Variants in UBR7 observed in about 807,000 individuals in gnomAD.
UBR7 encodes the protein ubiquitin protein ligase E3 component n-recognin 7, also known as putative E3 ubiquitin-protein ligase UBR7.
UBR7 carries 22 observed loss-of-function variants against 57.0 expected under a neutral mutation model. The ratio of observed to expected loss-of-function variants is 0.39; its 90% CI spans 0.28 to 0.55. The LOEUF is 0.55. Ranked by LOEUF, UBR7 falls within the 20% of genes least tolerant of loss-of-function variation. The pLI is 0.69. For synonymous variants in UBR7, 167 were observed against 179.8 expected (o/e 0.93, Z 0.57); for missense variants, 395 against 513.2 (o/e 0.77, Z 2.23).
rs776085737 is a variant in UBR7, at chr14:93,227,102, G to A, written c.*67G>A. 1.5e-5 allele frequency: 20 copies of A among 1,298,398 alleles called. No individual in the cohort carries two copies. The highest frequency in any genetic ancestry group is 1.3e-4 in the African/African-American group (9 of 67,710). 80.4% of individuals were successfully genotyped at this position (1,298,398 alleles called of 1,614,324 possible). A position where few individuals can be genotyped will look rare whatever the true frequency, so the allele number is the denominator to read the frequency against. On this transcript the variant is annotated 3_prime_UTR_variant, in exon 11 of 11. Coordinates refer to ENST00000013070, the MANE Select transcript of UBR7 (RefSeq NM_175748.4). ...GCTTCCCATTCTTGGAATAAAAGAGGTGTGGTTCACATTTGGCCCCCTTTC... is the reference window on the plus strand; with the variant it reads ...GCTTCCCATTCTTGGAATAAAAGAGATGTGGTTCACATTTGGCCCCCTTTC...
intron 10 of UBR7, 44 bp from the exon 11 acceptor site, chr14:93,226,897 TTC>T: frequency 7.1e-7 from 1 of 1,410,146 alleles, no homozygotes; most frequent in Non-Finnish European, 1.0e-6. Flanking sequence ...CGGATTGCGA[TTC>T]TGTTACTTAG....
intron 6 of UBR7, among the ~76,000 whole-genome samples, chr14:93,215,689 C>CAAAAAAAAA (rs34666080): frequency 2.8e-5 from 2 of 71,832 alleles, no homozygotes; most frequent in African/African-American, 4.3e-5. Flanking sequence ...ACTCCATCCT[C>CAAAAAAAAA]AAAAAAAAAA....
At chr14:93,225,950 A>C (rs1441753042) in intron 10 of UBR7, among the ~76,000 whole-genome samples, 2 of 152,202 alleles carry the variant, frequency 1.3e-5, no homozygotes, top group Non-Finnish European at 1.5e-5. Flanking sequence ...CATTTTGTTA[A>C]GTGTAAATTC....
At position 93,212,070 on chromosome 14, in the gene UBR7, C is replaced by T. The variant is rs754474683; in HGVS notation, c.384C>T (p.Asp128=). 3 of 1,613,054 alleles carry T rather than the reference C, an allele frequency of 1.9e-6. No individual in the cohort carries two copies. The highest frequency in any genetic ancestry group is 2.2e-5 in the East Asian group (1 of 44,876). ...AKVNSGNKYN[D]NFFGLYCICK... ...TAAATTCTGGCAATAAGTACAATGA[C>T]AACTTTTTTGGATTGTACTGCATTT... Residue 128 remains aspartate (D), a synonymous_variant, in exon 4 of 11, where the codon GAC becomes GAT. Transcript: ENST00000013070.
At chr14:93,216,921 G>A (rs1386537401) in intron 6 of UBR7, among the ~76,000 whole-genome samples, 1 of 151,662 alleles carries the variant, frequency 6.6e-6, no homozygotes, top group East Asian at 1.9e-4. Flanking sequence ...CGGCCAGTTT[G>A]CCTCAGAGTT....
intron 8 of UBR7, 77 bp from the exon 9 acceptor site, chr14:93,220,172 A>G: frequency 1.3e-6 from 2 of 1,482,144 alleles, no homozygotes; most frequent in Admixed American, 2.0e-5. Flanking sequence ...ATTCTCAGGA[A>G]ATTGGCTTTC....
intron 10 of UBR7, among the ~76,000 whole-genome samples, chr14:93,225,957 A>C (rs1207991688): frequency 6.6e-6 from 1 of 152,176 alleles, no homozygotes; most frequent in Non-Finnish European, 1.5e-5. Context: ...TTAAGTGTAA[A>C]TTCCCGTGCC....
chr14:93,213,513 T>C (rs1475295061), intron 4 of UBR7, among the ~76,000 whole-genome samples: 1 of 152,142 alleles, frequency 6.6e-6, no homozygotes, highest in African/African-American at 2.4e-5. Flanking sequence ...TTCACCGTGT[T>C]AGCCAGGATG....
In UBR7 at chr14:93,228,175, A is replaced by G. The variant is rs563177846; in HGVS notation, c.*1140A>G. 1.6e-5 allele frequency: 9 copies of G among 561,596 alleles called. No individual in the cohort carries two copies. In the Admixed American group the frequency reaches 1.8e-4, roughly 11 times the overall value. 34.8% of individuals were successfully genotyped at this position (561,596 alleles called of 1,614,324 possible). A position where few individuals can be genotyped will look rare whatever the true frequency, so the allele number is the denominator to read the frequency against. On this transcript the variant is annotated 3_prime_UTR_variant, in exon 11 of 11. Coordinates refer to ENST00000013070, the MANE Select transcript of UBR7 (RefSeq NM_175748.4). Reference sequence around the variant, plus strand: ...TGTTAATGTCCACCGCCACTTCCCTAACGACTATGAGATCTTTTTTTTGAA... The same window carrying G: ...TGTTAATGTCCACCGCCACTTCCCTGACGACTATGAGATCTTTTTTTTGAA...
At position 93,219,226 on chromosome 14, in the gene UBR7, T is replaced by C. The variant is rs1292687448; in HGVS notation, c.825T>C (p.Asn275=). 6.2e-7 allele frequency: 1 copy of C among 1,614,194 alleles called. No individual in the cohort carries two copies. The highest frequency in any genetic ancestry group is 1.1e-5 in the South Asian group (1 of 91,086). Residue 275 remains asparagine (N), a synonymous_variant, in exon 8 of 11, where the codon AAT becomes AAC. Transcript: ENST00000013070. ...SESDLQTVFK[N]ESLNAESKSG... ...TTTTATTTCAGACAGTGTTTAAGAA[T>C]GAAAGCCTCAACGCAGAATCAAAAT...
chr14:93,229,086 T>C lies in UBR7; in HGVS notation c.*2051T>C, dbSNP rs141572489. On this transcript the variant is annotated 3_prime_UTR_variant, in exon 11 of 11. Coordinates refer to ENST00000013070, the MANE Select transcript of UBR7 (RefSeq NM_175748.4). ...GCATGTTTTATGCAAAACACAAATA[T>C]GATATTAGTTGCTTTTAAGGAGTTC... 4.0e-5 allele frequency: 15 copies of C among 375,910 alleles called. No homozygotes were observed. In the East Asian group the frequency reaches 6.6e-4, roughly 16 times the overall value. The allele number at this position is 375,910 out of a possible 1,614,324, so 23.3% of individuals were successfully genotyped here.
intron 4 of UBR7, among the ~76,000 whole-genome samples, chr14:93,213,600 C>T (rs1414333530): frequency 6.6e-6 from 1 of 152,178 alleles, no homozygotes; most frequent in African/African-American, 2.4e-5. Context: ...AGCCACCGCG[C>T]CCAGCCAAAG....
In UBR7 at chr14:93,207,269, C is replaced by A. The variant is rs1243811318; in HGVS notation, c.-23C>A. ...TTTCCCGCCTCCGCCGGGGCCGAGC[C>A]GCTGTTCGGCTGACAGTTGAGGATG... is the stretch of plus-strand genomic sequence containing the variant. On this transcript the variant is annotated 5_prime_UTR_variant, in exon 1 of 11. Transcript: ENST00000013070. The A allele has an allele frequency of 3.9e-6, 6 of 1,550,628 alleles. No individual in the cohort carries two copies. Among genetic ancestry groups the A allele is most frequent in the Admixed American group, 3.9e-5 (2 of 51,058 alleles).
intron 6 of UBR7, among the ~76,000 whole-genome samples, chr14:93,215,689 C>CAAAAAAAAAAAAAA (rs34666080): frequency 1.4e-5 from 1 of 71,832 alleles, no homozygotes; most frequent in Non-Finnish European, 3.2e-5. Context: ...ACTCCATCCT[C>CAAAAAAAAAAAAAA]AAAAAAAAAA....
intron 4 of UBR7, among the ~76,000 whole-genome samples, chr14:93,212,493 C>T (rs904232306): frequency 6.6e-6 from 1 of 152,156 alleles, no homozygotes; most frequent in African/African-American, 2.4e-5. Context: ...CTCTTAAAAA[C>T]GTCAATGAGA....
rs75560192 is a variant in UBR7 at position 93,228,040 on chromosome 14, G to T, written c.*1005G>T. 6.1e-3 allele frequency: 4,239 copies of T among 696,760 alleles called. 96 individuals carry two copies. The highest frequency in any genetic ancestry group is 0.029 in the East Asian group (1,063 of 37,138). The allele number at this position is 696,760 out of a possible 1,614,324, so 43.2% of individuals were successfully genotyped here. ...GCTAAAGAAAACAGATCCTGACTTA[G>T]CTTACTTGAAATAAGCAGGGCAGGG... On this transcript the variant is annotated 3_prime_UTR_variant, in exon 11 of 11. Transcript: ENST00000013070.
At chr14:93,216,952 TG>T (rs1166819401) in intron 6 of UBR7, among the ~76,000 whole-genome samples, 1 of 152,178 alleles carries the variant, frequency 6.6e-6, no homozygotes, top group Non-Finnish European at 1.5e-5. Context: ...GCTCCCTTTC[TG>T]TTCACACCCT....
chr14:93,219,157 C>T (rs1302830026), intron 7 of UBR7, 55 bp from the exon 8 acceptor site: 25 of 1,582,626 alleles, frequency 1.6e-5, no homozygotes, highest in Middle Eastern at 1.7e-4. Context: ...AAAATCTAAA[C>T]TATGAAAACT....
chr14:93,210,019 A>G, intron 2 of UBR7, 62 bp downstream of exon 2: 6 of 1,575,628 alleles, frequency 3.8e-6, no homozygotes, highest in Non-Finnish European at 5.2e-6. Context: ...TCCCATCTAC[A>G]CTTTTTCCTA....
Sources: allele counts gnomAD v4.1 joint callset (sites outside exome capture counted in the v4.1 genomes callset), GRCh38; gene constraint gnomAD v4.1.1; transcripts MANE v1.5; gene names NCBI Gene and HGNC (gene_info 2026-07-23, HGNC 2026-07-21).